The following PEAK1 variants were observed in gnomAD, a reference collection of about 807,000 sequenced individuals.
PEAK1 encodes pseudopodium enriched atypical kinase 1.
Under a neutral mutation model 124.7 loss-of-function variants are expected in PEAK1, and 54 were observed. The ratio of observed to expected loss-of-function variants is 0.43; its 90% CI spans 0.35 to 0.54. The LOEUF is 0.54. Ranked by LOEUF, PEAK1 falls within the 20% of genes least tolerant of loss-of-function variation. The pLI is 0.01. For synonymous variants in PEAK1, 719 were observed against 760.0 expected (o/e 0.95, Z 0.89); for missense variants, 2,046 against 2,134.5 (o/e 0.96, Z 0.82).
intron 7 of PEAK1, among the ~76,000 whole-genome samples, chr15:77,159,129 T>C (rs972511438): frequency 6.6e-6 from 1 of 152,184 alleles, no homozygotes; most frequent in Non-Finnish European, 1.5e-5. Flanking sequence ...TTATATATAG[T>C]ATTTAGTACA....
intron 9 of PEAK1, among the ~76,000 whole-genome samples, chr15:77,132,350 G>T (rs1406115923): frequency 6.6e-6 from 1 of 151,714 alleles, no homozygotes; most frequent in Non-Finnish European, 1.5e-5. Context: ...CTCCCAAAGT[G>T]CTGGGATTAT....
intron 2 of PEAK1, among the ~76,000 whole-genome samples, chr15:77,329,958 G>A (rs2065801237): frequency 6.6e-6 from 1 of 152,018 alleles, no homozygotes; most frequent in South Asian, 2.1e-4. Flanking sequence ...TAATTTAAGA[G>A]CTGGACCTAT....
At chr15:77,294,612 AT>A (rs1237662336) in intron 2 of PEAK1, among the ~76,000 whole-genome samples, 1 of 152,230 alleles carries the variant, frequency 6.6e-6, no homozygotes, top group African/African-American at 2.4e-5. Flanking sequence ...GTAAAATGCG[AT>A]AAACACATGC....
At chr15:77,106,752 T>C (rs1453516783), downstream of PEAK1, 3 of 152,244 alleles carry the variant, frequency 2.0e-5, no homozygotes, top group African/African-American at 7.2e-5. Context: ...TGGGTCCAAG[T>C]GCTGGGGTGA....
At chr15:77,230,232 A>T (rs4414462) in intron 6 of PEAK1, among the ~76,000 whole-genome samples, 1 of 151,218 alleles carries the variant, frequency 6.6e-6, no homozygotes, top group Non-Finnish European at 1.5e-5. Context: ...CGGAGTCTTG[A>T]TCTGTTGCCC....
intron 2 of PEAK1, chr15:77,346,244 T>G: frequency 1.1e-6 from 1 of 925,762 alleles, no homozygotes; most frequent in Non-Finnish European, 1.3e-6. Context: ...CAATGTCATC[T>G]CTTCTGAAAA....
chr15:77,240,206 ACTT>A (rs1212446314), intron 6 of PEAK1, among the ~76,000 whole-genome samples: 2 of 152,194 alleles, frequency 1.3e-5, no homozygotes, highest in African/African-American at 2.4e-5. Context: ...TGGCAAAACA[ACTT>A]CTTAATAGGT....
intron 6 of PEAK1, among the ~76,000 whole-genome samples, chr15:77,184,910 T>TA (rs1235850998): frequency 6.7e-6 from 1 of 148,654 alleles, no homozygotes; most frequent in Non-Finnish European, 1.5e-5. Flanking sequence ...ACTACGCACT[T>TA]AAAAAAAGTG....
At chr15:77,224,409 G>A (rs1391048942) in intron 6 of PEAK1, among the ~76,000 whole-genome samples, 1 of 151,896 alleles carries the variant, frequency 6.6e-6, no homozygotes, top group Non-Finnish European at 1.5e-5. Flanking sequence ...TTGTCTGATG[G>A]TGCCTTTCTT....
chr15:77,403,293 G>C, intron 1 of PEAK1: 1 of 976,210 alleles, frequency 1.0e-6, no homozygotes. Context: ...CTGAAGAAAA[G>C]CAGAGACATT....
intron 1 of PEAK1, among the ~76,000 whole-genome samples, chr15:77,398,238 C>G (rs912488468): frequency 1.3e-5 from 2 of 152,076 alleles, no homozygotes; most frequent in African/African-American, 2.4e-5. Context: ...AGGAGGAATG[C>G]TTCCAAACTC....
At chr15:77,233,764 T>A (rs2060002277) in intron 6 of PEAK1, among the ~76,000 whole-genome samples, 1 of 152,232 alleles carries the variant, frequency 6.6e-6, no homozygotes, top group South Asian at 2.1e-4. Context: ...TTCTTATAAT[T>A]ATTAATTCAG....
intron 6 of PEAK1, among the ~76,000 whole-genome samples, chr15:77,196,884 C>CT (rs1199024450): frequency 6.6e-6 from 1 of 152,156 alleles, no homozygotes; most frequent in Non-Finnish European, 1.5e-5. Flanking sequence ...GGGTCTCACT[C>CT]TGTCACTCAG....
At chr15:77,294,170 C>T (rs2063366308) in intron 2 of PEAK1, among the ~76,000 whole-genome samples, 1 of 152,126 alleles carries the variant, frequency 6.6e-6, no homozygotes, top group Non-Finnish European at 1.5e-5. Context: ...TCTTGATGGC[C>T]TGATCTCTGA....
intron 1 of PEAK1, among the ~76,000 whole-genome samples, chr15:77,413,870 C>T (rs1179516215): frequency 6.6e-6 from 1 of 152,190 alleles, no homozygotes; most frequent in Non-Finnish European, 1.5e-5. Flanking sequence ...GTTGCCCAGA[C>T]TGGGGTGCAG....
In PEAK1 at chr15:77,118,984, G is replaced by A. The variant is rs193291138; in HGVS notation, c.4078-3665C>T. On this transcript the variant is annotated intron_variant, in intron 9 of 9. Transcript: ENST00000682557. ...CTGAGCCACAGTGACACTAGAGGGA[G>A]CTGCAATATCAATATCCAGGAGTCA... is the stretch of plus-strand genomic sequence containing the variant. Among the ~76,000 whole-genome samples, 9 of 80,912 alleles carry A rather than the reference G, an allele frequency of 1.1e-4. No individual in the cohort carries two copies. In the East Asian group the frequency reaches 2.0e-3, roughly 18 times the overall value. The allele number at this position is 80,912 out of a possible 152,430, so 53.1% of individuals were successfully genotyped here.
rs2057062124 is a variant in PEAK1, at chr15:77,179,001, C to T, written c.2926G>A (p.Glu976Lys). 6.2e-7 allele frequency: 1 copy of T among 1,613,992 alleles called. No individual in the cohort carries two copies. Among genetic ancestry groups the T allele is most frequent in the Admixed American group, 1.7e-5 (1 of 59,992 alleles). The change falls in exon 7 of 10, where the codon GAG becomes AAG. Residue 976 changes from glutamate to lysine, a missense_variant. Coordinates refer to ENST00000682557, the MANE Select transcript of PEAK1 (RefSeq NM_001385026.1). ...PPVQRHHWFTEAKGESSEKPA... is the reference protein window; with the variant it reads ...PPVQRHHWFTKAKGESSEKPA... ...TTCTCACTGGACTCTCCTTTCGCCT[C>T]TGTGAACCAGTGATGGCGCTGAACT... is the stretch of plus-strand genomic sequence containing the variant.
At chr15:77,230,614 T>A (rs2059869298) in intron 6 of PEAK1, among the ~76,000 whole-genome samples, 1 of 151,868 alleles carries the variant, frequency 6.6e-6, no homozygotes, top group Non-Finnish European at 1.5e-5. Context: ...CAACAAGAAG[T>A]GAGCTGGGCA....
chr15:77,366,004 A>G (rs960990431), intron 1 of PEAK1, among the ~76,000 whole-genome samples: 1 of 152,184 alleles, frequency 6.6e-6, no homozygotes, highest in East Asian at 1.9e-4. Context: ...TGAAAAATGG[A>G]AAAAATGTTC....
Sources: gnomAD v4.1 joint callset for allele counts (sites outside exome capture counted in the v4.1 genomes callset) on GRCh38, gnomAD v4.1.1 for gene constraint, MANE v1.5 for transcripts, NCBI Gene and HGNC (gene_info 2026-07-23, HGNC 2026-07-21) for gene names.